KIZ: variants seen among roughly 807,000 people sequenced by gnomAD.
KIZ encodes the protein centrosomal protein kizuna.
Under a neutral mutation model 79.6 loss-of-function variants are expected in KIZ, and 68 were observed. The observed-to-expected ratio is 0.85, with a 90% CI of 0.70 to 1.05. The LOEUF is 1.05. KIZ is among the 50% of genes least tolerant of loss of function. The pLI, the probability that KIZ is intolerant of heterozygous loss-of-function variation, is 0.00. For synonymous variants in KIZ, 280 were observed against 281.8 expected, an observed-to-expected ratio of 0.99 and a Z score of 0.06; for missense variants, 797 against 800.4, an observed-to-expected ratio of 1.00 and a Z score of 0.05.
intron 6 of KIZ, among the ~76,000 whole-genome samples, chr20:21,170,671 A>G (rs1277496092): frequency 6.6e-6 from 1 of 152,140 alleles, no homozygotes; most frequent in Non-Finnish European, 1.5e-5. Flanking sequence ...TACAGGCGTG[A>G]GCCACCACGC....
chr20:21,192,739 C>T (rs962971697), intron 6 of KIZ, among the ~76,000 whole-genome samples: 2 of 152,146 alleles, frequency 1.3e-5, no homozygotes, highest in Admixed American at 6.5e-5. Context: ...CTTTTTTACC[C>T]TTCTTCATAG....
intron 6 of KIZ, among the ~76,000 whole-genome samples, chr20:21,164,017 G>A (rs1202584328): frequency 1.3e-5 from 2 of 152,164 alleles, no homozygotes; most frequent in African/African-American, 2.4e-5. Context: ...GTGGTGTCAC[G>A]TAGGTCTACT....
At chr20:21,142,077 C>T (rs181477015) in intron 3 of KIZ, among the ~76,000 whole-genome samples, 1 of 150,750 alleles carries the variant, frequency 6.6e-6, no homozygotes, top group African/African-American at 2.4e-5. Context: ...TCTTTATCTC[C>T]CGCACACGTA....
At chr20:21,182,770 C>T (rs1024582079) in intron 6 of KIZ, among the ~76,000 whole-genome samples, 3 of 147,242 alleles carry the variant, frequency 2.0e-5, no homozygotes, top group African/African-American at 7.6e-5. Context: ...GCACTCCAGC[C>T]TGGGCAACGG....
chr20:21,169,079 A>C (rs2122772822), intron 6 of KIZ, among the ~76,000 whole-genome samples: 2 of 152,334 alleles, frequency 1.3e-5, no homozygotes, highest in African/African-American at 4.8e-5. Context: ...CAAAATTGAC[A>C]AATGGGATCT....
At position 21,162,587 on chromosome 20, in the gene KIZ, C is replaced by G; in HGVS notation, c.1042+80C>G. ...TGTAAGGACAAAATATACTAATTAT[C>G]TCTCTTTCATAAAATAGTATCTTTG... On this transcript the variant is annotated intron_variant, in intron 5 of 12. Coordinates refer to ENST00000619189, the MANE Select transcript of KIZ (RefSeq NM_018474.6). The G allele has an allele frequency of 3.8e-6, 4 of 1,062,230 alleles. No homozygotes were observed. The South Asian group carries it at 4.9e-5, about 13-fold the overall frequency. 65.8% of individuals were successfully genotyped at this position (1,062,230 alleles called of 1,614,324 possible). A position where few individuals can be genotyped will look rare whatever the true frequency, so the allele number is the denominator to read the frequency against.
chr20:21,162,117 T>C lies in KIZ; in HGVS notation c.652T>C (p.Leu218=), dbSNP rs987618200. The change falls in exon 5 of 13, where the codon TTA becomes CTA. Residue 218 remains leucine, a synonymous_variant. Coordinates refer to ENST00000619189, the MANE Select transcript of KIZ (RefSeq NM_018474.6). The part of the protein sequence containing the change: ...VVQTSNDTQC[L]NKSDNIDGKA... ...ACAAACTAGTAATGACACACAGTGC[T>C]TAAATAAGTCTGACAACATAGATGG... 1 of 1,612,782 alleles carries C rather than the reference T, an allele frequency of 6.2e-7. No individual in the cohort carries two copies. Among genetic ancestry groups the C allele is most frequent in the African/African-American group, 1.3e-5 (1 of 74,668 alleles).
chr20:21,139,758 CTA>C (rs1183045216), intron 3 of KIZ, among the ~76,000 whole-genome samples: 7 of 152,138 alleles, frequency 4.6e-5, no homozygotes, highest in Middle Eastern at 3.4e-3. Flanking sequence ...CTGCTTAAGA[CTA>C]TCAACATGGG....
intron 4 of KIZ, among the ~76,000 whole-genome samples, chr20:21,160,455 A>G (rs2033601520): frequency 6.6e-6 from 1 of 151,950 alleles, no homozygotes; most frequent in Non-Finnish European, 1.5e-5. Flanking sequence ...TGCTTCTACC[A>G]TGTAAGGACA....
intron 4 of KIZ, among the ~76,000 whole-genome samples, chr20:21,153,117 G>A (rs2033200469): frequency 6.6e-6 from 1 of 152,154 alleles, no homozygotes; most frequent in Non-Finnish European, 1.5e-5. Flanking sequence ...TCTCATAAGA[G>A]TAGGGCTAAT....
intron 6 of KIZ, among the ~76,000 whole-genome samples, chr20:21,172,245 A>G (rs1032903835): frequency 3.3e-5 from 5 of 152,178 alleles, no homozygotes; most frequent in African/African-American, 1.2e-4. Flanking sequence ...GCTTTATGGT[A>G]CTTATGATCA....
rs2035894691 is a variant in KIZ at position 21,207,762 on chromosome 20, G to C, written c.1446+2178G>C. Among the ~76,000 whole-genome samples, 3 of 152,002 alleles carry C rather than the reference G, an allele frequency of 2.0e-5. No individual in the cohort carries two copies. In the South Asian group the frequency reaches 6.2e-4, roughly 32 times the overall value. On this transcript the variant is annotated intron_variant, in intron 7 of 12. Transcript: ENST00000619189. ...TCTGTTGCTCAGGCTGGAGTGCAGT[G>C]GTGCAATCTCGGCTCGCTGCCACCA... is the stretch of plus-strand genomic sequence containing the variant.
intron 4 of KIZ, among the ~76,000 whole-genome samples, chr20:21,147,428 TC>T (rs1444468525): frequency 1.9e-4 from 29 of 152,208 alleles, no homozygotes; most frequent in African/African-American, 6.8e-4. Context: ...TTCAGCAAAA[TC>T]ATGTTTTAGT....
At chr20:21,136,197 G>A (rs2032176004) in intron 2 of KIZ, among the ~76,000 whole-genome samples, 193 bp from the exon 3 acceptor site, 1 of 152,044 alleles carries the variant, frequency 6.6e-6, no homozygotes, top group South Asian at 2.1e-4. Context: ...AAACCGATAT[G>A]ATACCTCAGT....
At chr20:21,187,364 C>T (rs758485095) in intron 6 of KIZ, among the ~76,000 whole-genome samples, 1 of 152,116 alleles carries the variant, frequency 6.6e-6, no homozygotes, top group African/African-American at 2.4e-5. Flanking sequence ...TGGGACCTGC[C>T]CTACTCATCT....
At position 21,162,176 on chromosome 20, in the gene KIZ, A is replaced by G. The variant is rs1319261211; in HGVS notation, c.711A>G (p.Pro237=). The change falls in exon 5 of 13, where the codon CCA becomes CCG. Residue 237 remains proline (P), a synonymous_variant. Transcript: ENST00000619189. ...CTCTTCAGATTGGTGAGAAAATGCC[A>G]GTCACAGCCAGTGTATTGTCTGAGG... The part of the protein sequence containing the change: ...KASLQIGEKM[P]VTASVLSEEE... 5 of 1,611,170 alleles carry G rather than the reference A, an allele frequency of 3.1e-6. No individual in the cohort carries two copies. In the East Asian group the frequency reaches 6.7e-5, roughly 22 times the overall value.
intron 1 of KIZ, among the ~76,000 whole-genome samples, chr20:21,127,036 CAGG>C (rs2031525384): frequency 6.6e-6 from 1 of 152,150 alleles, no homozygotes; most frequent in Non-Finnish European, 1.5e-5. Flanking sequence ...TTCTAGTGAA[CAGG>C]AGAGCTGTGT....
chr20:21,226,926 G>T (rs796398463), intron 9 of KIZ, among the ~76,000 whole-genome samples: 19 of 152,316 alleles, frequency 1.2e-4, no homozygotes, highest in African/African-American at 4.3e-4. Context: ...CTCTGGTTGC[G>T]TGGGGCAGGA....
chr20:21,164,978 G>A (rs1417718861), intron 6 of KIZ, among the ~76,000 whole-genome samples: 1 of 152,136 alleles, frequency 6.6e-6, no homozygotes, highest in Non-Finnish European at 1.5e-5. Context: ...TTAACTTGCT[G>A]ACATCACCAC....
Sources: gnomAD v4.1 joint callset for allele counts (sites outside exome capture counted in the v4.1 genomes callset) on GRCh38, gnomAD v4.1.1 for gene constraint, MANE v1.5 for transcripts, NCBI Gene and HGNC (gene_info 2026-07-23, HGNC 2026-07-21) for gene names.